Variants in SCN8A observed in about 807,000 individuals in gnomAD.
The protein encoded by SCN8A is sodium voltage-gated channel alpha subunit 8.
SCN8A carries 30 observed loss-of-function variants against 184.1 expected under a neutral mutation model. That is an observed-to-expected ratio of 0.16 (90% CI 0.12 to 0.22). The LOEUF is 0.22. SCN8A is among the 10% of genes least tolerant of loss of function. The pLI, the probability that SCN8A is intolerant of heterozygous loss-of-function variation, is 1.00. For synonymous variants in SCN8A, 852 were observed against 907.0 expected, an observed-to-expected ratio of 0.94 and a Z score of 1.09; for missense variants, 1,057 against 2,498.9, an observed-to-expected ratio of 0.42 and a Z score of 12.30.
chr12:51,671,355 A>G (rs1941127185), intron 2 of SCN8A, among the ~76,000 whole-genome samples: 1 of 152,154 alleles, frequency 6.6e-6, no homozygotes, highest in African/African-American at 2.4e-5. Context: ...CTCCAGTCCT[A>G]AGTTCTCATG....
intron 12 of SCN8A, among the ~76,000 whole-genome samples, chr12:51,726,198 A>G (rs1370601051): frequency 6.6e-6 from 1 of 152,228 alleles, no homozygotes; most frequent in Non-Finnish European, 1.5e-5. Context: ...CTGAAGCAGA[A>G]GATAAAGGGA....
chr12:51,726,073 T>G (rs1293747949), intron 12 of SCN8A, among the ~76,000 whole-genome samples: 2 of 152,256 alleles, frequency 1.3e-5, no homozygotes, highest in Non-Finnish European at 2.9e-5. Context: ...AAAAAGACAT[T>G]CAGACATCAC....
intron 1 of SCN8A, among the ~76,000 whole-genome samples, chr12:51,591,735 G>T (rs561625382): frequency 4.6e-5 from 7 of 152,096 alleles, no homozygotes; most frequent in African/African-American, 1.4e-4. Flanking sequence ...CCCCTAGCCG[G>T]CTTGCACTGG....
chr12:51,810,202 G>A lies in SCN8A; in HGVS notation c.*2773G>A, dbSNP rs1455656756. 1 of 248,116 alleles carries A rather than the reference G, an allele frequency of 4.0e-6. No homozygotes were observed. The highest frequency in any genetic ancestry group is 1.4e-4 in the East Asian group (1 of 7,018). The allele number at this position is 248,116 out of a possible 1,614,324, so 15.4% of individuals were successfully genotyped here. ...GGGCCTTGGTATCTGGCACCCATCA[G>A]CCAGCCTCATAGGAAAGAAGCCACC... On this transcript the variant is annotated 3_prime_UTR_variant, in exon 27 of 27. Coordinates refer to ENST00000627620, the MANE Select transcript of SCN8A (RefSeq NM_001330260.2).
chr12:51,770,276 C>T, intron 18 of SCN8A: 2 of 589,726 alleles, frequency 3.4e-6, no homozygotes, highest in Admixed American at 3.1e-5. Context: ...TCCTGACTAC[C>T]CTTTTCTCCT....
At chr12:51,643,930 T>C (rs993784045) in intron 1 of SCN8A, among the ~76,000 whole-genome samples, 6 of 152,254 alleles carry the variant, frequency 3.9e-5, no homozygotes, top group Non-Finnish European at 7.3e-5. Flanking sequence ...GACGTTCTCA[T>C]TGAATGGATA....
At chr12:51,668,183 CAAAA>C (rs10535000) in intron 2 of SCN8A, among the ~76,000 whole-genome samples, 3 of 140,460 alleles carry the variant, frequency 2.1e-5, no homozygotes, top group African/African-American at 2.7e-5. Flanking sequence ...AACTCCATCT[CAAAA>C]AAAAAAAAAA....
chr12:51,738,110 T>G lies in SCN8A; in HGVS notation c.1999-7793T>G, dbSNP rs569063504. Among the ~76,000 whole-genome samples, 5 of 152,328 alleles carry G rather than the reference T, an allele frequency of 3.3e-5. No homozygotes were observed. The South Asian group carries it at 1.0e-3, about 32-fold the overall frequency. On this transcript the variant is annotated intron_variant, in intron 12 of 26. Coordinates refer to ENST00000627620, the MANE Select transcript of SCN8A (RefSeq NM_001330260.2). ...TGATTTCCTAATCTTTGGTGGGAACTTTGTTTTTCCACTTTAAGCGGTTCT... is the reference window on the plus strand; with the variant it reads ...TGATTTCCTAATCTTTGGTGGGAACGTTGTTTTTCCACTTTAAGCGGTTCT...
intron 1 of SCN8A, among the ~76,000 whole-genome samples, chr12:51,604,160 T>C (rs1050586455): frequency 1.3e-5 from 2 of 152,258 alleles, no homozygotes; most frequent in Non-Finnish European, 2.9e-5. Flanking sequence ...ATGTTCTTGG[T>C]TTTCTGTTAA....
intron 1 of SCN8A, among the ~76,000 whole-genome samples, chr12:51,652,854 T>C (rs891403211): frequency 6.6e-6 from 1 of 152,360 alleles, no homozygotes; most frequent in African/African-American, 2.4e-5. Flanking sequence ...TTTGCCTGTT[T>C]ACCTGTCTAC....
intron 1 of SCN8A, among the ~76,000 whole-genome samples, chr12:51,617,771 T>C (rs1939872483): frequency 6.6e-6 from 1 of 152,228 alleles, no homozygotes; most frequent in South Asian, 2.1e-4. Context: ...AGATTCAGGT[T>C]GCAAATTCCT....
At chr12:51,598,504 G>GA (rs142875822) in intron 1 of SCN8A, among the ~76,000 whole-genome samples, 2 of 151,872 alleles carry the variant, frequency 1.3e-5, no homozygotes, top group African/African-American at 2.4e-5. Context: ...TTGCTTTATG[G>GA]AAAAAAATGT....
Position 51,769,171 on chromosome 12 carries a change from A to G in SCN8A, c.3208A>G (p.Ile1070Val). 1 of 1,613,752 alleles carries G rather than the reference A, an allele frequency of 6.2e-7. No individual in the cohort carries two copies. The highest frequency in any genetic ancestry group is 1.3e-5 in the African/African-American group (1 of 75,054). ...GAATGGCAATGGCACAACCAGCGGC[A>G]TTGGCAGCAGCGTGGAGAAGTACAT... ...QKNGNGTTSG[I>V]GSSVEKYIID... Residue 1070 changes from isoleucine to valine, a missense_variant, in exon 17 of 27, where the codon ATT becomes GTT. Ile to Val is a conservative substitution (Grantham distance 29). Coordinates refer to ENST00000627620, the MANE Select transcript of SCN8A (RefSeq NM_001330260.2).
At chr12:51,772,179 T>G (rs2138874459) in intron 19 of SCN8A, among the ~76,000 whole-genome samples, 1 of 152,070 alleles carries the variant, frequency 6.6e-6, no homozygotes, top group South Asian at 2.1e-4. Flanking sequence ...GCGGATCACC[T>G]GAGGTTGGGA....
intron 6 of SCN8A, among the ~76,000 whole-genome samples, chr12:51,698,003 G>A (rs1302328556): frequency 6.6e-6 from 1 of 152,100 alleles, no homozygotes; most frequent in Non-Finnish European, 1.5e-5. Flanking sequence ...ACAGGCGTAT[G>A]CCACCACACC....
chr12:51,717,503 G>A (rs1941985067), intron 11 of SCN8A, among the ~76,000 whole-genome samples: 1 of 152,190 alleles, frequency 6.6e-6, no homozygotes, highest in Non-Finnish European at 1.5e-5. Flanking sequence ...AACAAGTCAT[G>A]TACTAGCTGC....
At chr12:51,650,472 G>A (rs1232258425) in intron 1 of SCN8A, among the ~76,000 whole-genome samples, 1 of 151,532 alleles carries the variant, frequency 6.6e-6, no homozygotes, top group East Asian at 1.9e-4. Flanking sequence ...TGGCTGAGGA[G>A]GCCTCACGAT....
At chr12:51,789,225 G>T in intron 23 of SCN8A, 56 bp from the exon 24 acceptor site, 1 of 1,597,710 alleles carries the variant, frequency 6.3e-7, no homozygotes, top group Admixed American at 1.7e-5. Flanking sequence ...TGGCCTTGGC[G>T]TGTCAAACTC....
intron 1 of SCN8A, among the ~76,000 whole-genome samples, chr12:51,599,224 T>C (rs1190640363): frequency 1.3e-5 from 2 of 152,228 alleles, no homozygotes; most frequent in African/African-American, 2.4e-5. Context: ...AGCTTATTTA[T>C]TTTGTGAAAT....
Sources: allele counts gnomAD v4.1 joint callset (sites outside exome capture counted in the v4.1 genomes callset), GRCh38; gene constraint gnomAD v4.1.1; transcripts MANE v1.5; gene names NCBI Gene and HGNC (gene_info 2026-07-23, HGNC 2026-07-21).